MBD5: variants seen among roughly 807,000 people sequenced by gnomAD.
MBD5 encodes methyl-CpG binding domain protein 5.
In MBD5, 13 loss-of-function variants were observed where a neutral mutation model predicts 117.3. The observed-to-expected ratio is 0.11, with a 90% CI of 0.07 to 0.18. The LOEUF is 0.18. MBD5 is among the 10% of genes least tolerant of loss of function. The pLI is 1.00. For missense variants in MBD5, 1,879 were observed against 2,093.8 expected, an observed-to-expected ratio of 0.90 and a Z score of 2.00; for synonymous variants, 727 against 766.4, an observed-to-expected ratio of 0.95 and a Z score of 0.85.
intron 1 of MBD5, among the ~76,000 whole-genome samples, chr2:148,101,448 A>G (rs981377875): frequency 7.2e-5 from 11 of 152,124 alleles, no homozygotes; most frequent in Non-Finnish European, 1.5e-4. Flanking sequence ...GATGATAGAG[A>G]AAGACCCTGT....
At chr2:148,194,778 TAA>T (rs10545114) in intron 2 of MBD5, among the ~76,000 whole-genome samples, 3,676 of 129,440 alleles carry the variant, frequency 0.028, 15 homozygotes, top group African/African-American at 0.084. Context: ...AAAAAAAAAT[TAA>T]AAAAAAAAAA....
intron 4 of MBD5, among the ~76,000 whole-genome samples, chr2:148,401,897 G>A (rs1010382806): frequency 1.3e-5 from 2 of 151,978 alleles, no homozygotes; most frequent in South Asian, 2.1e-4. Context: ...TCATGACCTT[G>A]ACACTTTCAG....
chr2:148,344,777 A>T (rs1703045260), intron 4 of MBD5, among the ~76,000 whole-genome samples: 2 of 151,882 alleles, frequency 1.3e-5, no homozygotes, highest in Admixed American at 1.3e-4. Flanking sequence ...AGTAAATATC[A>T]TCCACCTTAA....
chr2:148,063,047 T>A (rs1047285369), intron 1 of MBD5, among the ~76,000 whole-genome samples: 26 of 152,196 alleles, frequency 1.7e-4, no homozygotes, highest in Admixed American at 1.3e-4. Flanking sequence ...ACTTAACCAC[T>A]TTATGTTTTA....
chr2:148,226,904 A>T (rs528310126), intron 2 of MBD5, among the ~76,000 whole-genome samples: 6 of 152,276 alleles, frequency 3.9e-5, no homozygotes, highest in African/African-American at 1.4e-4. Context: ...GGCTGCATAA[A>T]TGTCTTCTTT....
chr2:148,099,990 G>A (rs894343112), intron 1 of MBD5, among the ~76,000 whole-genome samples: 1 of 152,172 alleles, frequency 6.6e-6, no homozygotes, highest in Admixed American at 6.5e-5. Flanking sequence ...ACAGCCTAGT[G>A]GGGTAGACAG....
intron 3 of MBD5, among the ~76,000 whole-genome samples, chr2:148,291,652 A>T (rs565474640): frequency 6.6e-6 from 1 of 152,110 alleles, no homozygotes; most frequent in African/African-American, 2.4e-5. Flanking sequence ...GCTTTCTTAT[A>T]TATAAAATCA....
chr2:148,475,731 A>G (rs1680942572), intron 8 of MBD5, among the ~76,000 whole-genome samples: 1 of 152,184 alleles, frequency 6.6e-6, no homozygotes, highest in Admixed American at 6.6e-5. Context: ...AAACATTTAC[A>G]CAGTTGCAAA....
intron 2 of MBD5, among the ~76,000 whole-genome samples, chr2:148,215,611 T>G (rs7599826): frequency 6.6e-6 from 1 of 151,730 alleles, no homozygotes; most frequent in Non-Finnish European, 1.5e-5. Flanking sequence ...AGCCTGGAAC[T>G]CCAGGCCTCA....
At chr2:148,078,669 G>A (rs1262330845) in intron 1 of MBD5, among the ~76,000 whole-genome samples, 3 of 152,126 alleles carry the variant, frequency 2.0e-5, no homozygotes, top group Admixed American at 6.6e-5. Flanking sequence ...CTAAAATAGC[G>A]TAAGTATATA....
At chr2:148,447,184 A>G (rs566837747) in intron 4 of MBD5, among the ~76,000 whole-genome samples, 189 of 8,806 alleles carry the variant, frequency 0.021, no homozygotes, top group African/African-American at 0.023. Flanking sequence ...AGAAGGAAAG[A>G]AAGAAAGAAA....
intron 8 of MBD5, among the ~76,000 whole-genome samples, chr2:148,482,582 A>C (rs1371724568): frequency 1.3e-5 from 2 of 152,144 alleles, no homozygotes; most frequent in African/African-American, 4.8e-5. Flanking sequence ...GTTAATAGTT[A>C]ATCTTCACAG....
At chr2:148,084,702 A>T (rs1001669211) in intron 1 of MBD5, among the ~76,000 whole-genome samples, 2 of 152,154 alleles carry the variant, frequency 1.3e-5, no homozygotes, top group Non-Finnish European at 2.9e-5. Flanking sequence ...TCTGGACATT[A>T]AAAAGTGCAT....
intron 4 of MBD5, among the ~76,000 whole-genome samples, chr2:148,454,945 A>G (rs1706838852): frequency 6.6e-6 from 1 of 152,176 alleles, no homozygotes; most frequent in South Asian, 2.1e-4. Flanking sequence ...TGCTTAGGGT[A>G]GCATTGTCAT....
chr2:148,168,427 A>G (rs1416979162), intron 1 of MBD5, among the ~76,000 whole-genome samples: 5 of 152,208 alleles, frequency 3.3e-5, no homozygotes, highest in Admixed American at 3.3e-4. Flanking sequence ...GGTAGTCATA[A>G]TGAGAAAAAG....
chr2:148,038,646 C>CT (rs1261760727), intron 1 of MBD5, among the ~76,000 whole-genome samples: 1 of 151,318 alleles, frequency 6.6e-6, no homozygotes, highest in Non-Finnish European at 1.5e-5. Flanking sequence ...AATTAATCTT[C>CT]ACTGTATCTG....
At chr2:148,176,311 T>TG (rs1303699238) in intron 1 of MBD5, among the ~76,000 whole-genome samples, 3 of 151,280 alleles carry the variant, frequency 2.0e-5, no homozygotes, top group African/African-American at 7.3e-5. Context: ...TTTGTTTTTT[T>TG]TTTTTTTTTT....
chr2:148,325,044 AG>A (rs766125299), intron 3 of MBD5, among the ~76,000 whole-genome samples: 28 of 152,320 alleles, frequency 1.8e-4, no homozygotes, highest in Admixed American at 1.1e-3. Flanking sequence ...TTTAGCATGA[AG>A]GGTTGTTGAA....
chr2:148,437,868 T>G (rs11893037), intron 4 of MBD5, among the ~76,000 whole-genome samples: 2,960 of 152,244 alleles, frequency 0.019, 102 homozygotes, highest in African/African-American at 0.067. Context: ...AGTCTTTTGA[T>G]GAGATTAATC....
Sources: gnomAD v4.1 joint callset for allele counts (sites outside exome capture counted in the v4.1 genomes callset) on GRCh38, gnomAD v4.1.1 for gene constraint, MANE v1.5 for transcripts, NCBI Gene and HGNC (gene_info 2026-07-23, HGNC 2026-07-21) for gene names.